HELQ: variants seen among roughly 807,000 people sequenced by gnomAD.
HELQ encodes the protein helicase POLQ-like.
HELQ carries 77 observed loss-of-function variants against 111.6 expected under a neutral mutation model. The observed-to-expected ratio is 0.69, with a 90% CI of 0.57 to 0.83. The LOEUF is 0.83. HELQ is among the 40% of genes least tolerant of loss of function. HELQ has a pLI of 0.00. For synonymous variants in HELQ, 438 were observed against 454.7 expected (o/e 0.96, Z 0.47); for missense variants, 1,200 against 1,288.5 (o/e 0.93, Z 1.05).
At chr4:83,415,072 T>G (rs561733987) in intron 17 of HELQ, among the ~76,000 whole-genome samples, 2 of 152,278 alleles carry the variant, frequency 1.3e-5, no homozygotes, top group South Asian at 4.2e-4. Context: ...GATTTATATA[T>G]GAAAATAGTA....
intron 2 of HELQ, among the ~76,000 whole-genome samples, chr4:83,450,214 G>C: frequency 1.1e-5 from 1 of 89,244 alleles, no homozygotes; most frequent in South Asian, 4.3e-4. Context: ...TCAATATACA[G>C]TTAAGTTTAA....
rs138241151 is a variant in HELQ at position 83,430,034 on chromosome 4, A to T, written c.2296-288T>A. ...TTAAATAATTTTTCACAATATCTCC[A>T]GAACTGTGCTATTTACTCCCCAACC... On this transcript the variant is annotated intron_variant, in intron 11 of 17. Transcript: ENST00000295488. Among the ~76,000 whole-genome samples the T allele has an allele frequency of 2.4e-4, 37 of 152,150 alleles. 1 individual carries two copies. Among genetic ancestry groups the T allele is most frequent in the African/African-American group, 8.7e-4 (36 of 41,508 alleles).
chr4:83,428,781 T>C (rs943852772), intron 12 of HELQ, among the ~76,000 whole-genome samples: 3 of 151,802 alleles, frequency 2.0e-5, no homozygotes, highest in Non-Finnish European at 2.9e-5. Flanking sequence ...GCCTCCATAT[T>C]TAAAAAAAGA....
intron 12 of HELQ, 93 bp downstream of exon 12, chr4:83,429,431 G>A (rs890638376): frequency 1.6e-5 from 15 of 935,562 alleles, no homozygotes; most frequent in Non-Finnish European, 2.3e-5. Flanking sequence ...TTACAGGCGT[G>A]AGCCACTGTG....
At chr4:83,413,073 C>G (rs1243230436) in intron 17 of HELQ, among the ~76,000 whole-genome samples, 1 of 152,236 alleles carries the variant, frequency 6.6e-6, no homozygotes, top group East Asian at 1.9e-4. Flanking sequence ...AGCTTCCAGA[C>G]AGCTGAACAC....
intron 1 of HELQ, among the ~76,000 whole-genome samples, chr4:83,454,679 T>C (rs987969930): frequency 1.3e-5 from 2 of 151,938 alleles, no homozygotes; most frequent in Non-Finnish European, 2.9e-5. Flanking sequence ...CTCCCATCTC[T>C]GCCTCCTAAA....
intron 2 of HELQ, 86 bp downstream of exon 2, chr4:83,453,145 C>A: frequency 1.4e-6 from 1 of 733,818 alleles, no homozygotes; most frequent in South Asian, 1.8e-5. Context: ...CAGTATGGAC[C>A]ATGAAAGCAT....
chr4:83,455,780 C>A lies in HELQ; in HGVS notation c.-87G>T, dbSNP rs923306500. 19 of 1,315,108 alleles carry A rather than the reference C, an allele frequency of 1.4e-5. No homozygotes were observed. Among genetic ancestry groups the A allele is most frequent in the Non-Finnish European group, 1.7e-5 (16 of 950,450 alleles). 81.5% of individuals were successfully genotyped at this position (1,315,108 alleles called of 1,614,324 possible). On this transcript the variant is annotated 5_prime_UTR_variant, in exon 1 of 18. Transcript: ENST00000295488. ...GGAAGGGAGAGTGGGACGCCGGAGC[C>A]CGCTTCTACATCCACCTTGGGAAAA...
At chr4:83,430,216 T>C (rs1391371401) in intron 11 of HELQ, among the ~76,000 whole-genome samples, 4 of 150,124 alleles carry the variant, frequency 2.7e-5, no homozygotes, top group African/African-American at 9.9e-5. Flanking sequence ...ATGGCACATG[T>C]ATACATATGT....
Position 83,455,781 on chromosome 4 carries a change from C to T in HELQ, c.-88G>A. ...GAAGGGAGAGTGGGACGCCGGAGCC[C>T]GCTTCTACATCCACCTTGGGAAAAG... On this transcript the variant is annotated 5_prime_UTR_variant, in exon 1 of 18. Coordinates refer to ENST00000295488, the MANE Select transcript of HELQ (RefSeq NM_133636.5). The T allele has an allele frequency of 2.3e-6, 3 of 1,302,578 alleles. No homozygotes were observed. Among genetic ancestry groups the T allele is most frequent in the South Asian group, 1.3e-5 (1 of 75,708 alleles). The allele number at this position is 1,302,578 out of a possible 1,614,324, so 80.7% of individuals were successfully genotyped here. A position where few individuals can be genotyped will look rare whatever the true frequency, so the allele number is the denominator to read the frequency against.
In HELQ at chr4:83,419,193, C is replaced by G. The variant is rs1478462508; in HGVS notation, c.2950-987G>C. On this transcript the variant is annotated intron_variant, in intron 15 of 17. Transcript: ENST00000295488. ...TTTTTTTTTTTTTCTAGCTCATAAG[C>G]TATTGTTAGTGTATTTTATGTGTGG... 3.6e-5 allele frequency among the ~76,000 whole-genome samples: 5 copies of G among 139,552 alleles called. No individual in the cohort carries two copies. In the Admixed American group the frequency reaches 3.7e-4, roughly 10 times the overall value. 91.6% of individuals were successfully genotyped at this position (139,552 alleles called of 152,430 possible). A position where few individuals can be genotyped will look rare whatever the true frequency, so the allele number is the denominator to read the frequency against.
At chr4:83,449,060 A>G (rs1170517829) in intron 2 of HELQ, 99 bp from the exon 3 acceptor site, 19 of 828,748 alleles carry the variant, frequency 2.3e-5, no homozygotes, top group Middle Eastern at 3.5e-4. Flanking sequence ...CTGTGGAGCA[A>G]TCCTCTCATA....
chr4:83,434,091 C>T (rs113822301), intron 9 of HELQ, among the ~76,000 whole-genome samples: 2,678 of 151,892 alleles, frequency 0.018, 37 homozygotes, highest in Non-Finnish European at 0.029. Flanking sequence ...ATTTGAAGGG[C>T]CAGGTGTGGT....
chr4:83,414,848 T>A (rs1739280150), intron 17 of HELQ, among the ~76,000 whole-genome samples: 1 of 152,136 alleles, frequency 6.6e-6, no homozygotes. Context: ...ATGAACCTTT[T>A]TTTTTTAGGT....
intron 9 of HELQ, among the ~76,000 whole-genome samples, chr4:83,436,590 A>C (rs1720472542): frequency 6.6e-6 from 1 of 152,234 alleles, no homozygotes; most frequent in African/African-American, 2.4e-5. Flanking sequence ...AACCAGATTA[A>C]TAGACCCTAA....
intron 17 of HELQ, among the ~76,000 whole-genome samples, chr4:83,411,111 G>T (rs1447495796): frequency 7.8e-5 from 11 of 141,324 alleles, no homozygotes; most frequent in African/African-American, 2.9e-4. Context: ...AGTGAGGCAT[G>T]ATTGTGCCAC....
intron 17 of HELQ, among the ~76,000 whole-genome samples, chr4:83,415,395 G>C (rs990929124): frequency 6.6e-6 from 1 of 152,174 alleles, no homozygotes; most frequent in Non-Finnish European, 1.5e-5. Context: ...TGCAATGGTA[G>C]AAATTTTAAG....
At chr4:83,446,432 G>A (rs939104503) in intron 4 of HELQ, among the ~76,000 whole-genome samples, 2 of 151,932 alleles carry the variant, frequency 1.3e-5, no homozygotes, top group Non-Finnish European at 2.9e-5. Context: ...TCAGCCTCCC[G>A]AGTGGCTGGG....
At chr4:83,417,533 T>C (rs1283443355) in intron 16 of HELQ, among the ~76,000 whole-genome samples, 1 of 152,164 alleles carries the variant, frequency 6.6e-6, no homozygotes, top group Non-Finnish European at 1.5e-5. Context: ...TCTCACCATC[T>C]ACTCAGGGGA....
Sources: gnomAD v4.1 joint callset for allele counts (sites outside exome capture counted in the v4.1 genomes callset) on GRCh38, gnomAD v4.1.1 for gene constraint, MANE v1.5 for transcripts, NCBI Gene and HGNC (gene_info 2026-07-23, HGNC 2026-07-21) for gene names.